ZFAT: variants seen among roughly 807,000 people sequenced by gnomAD.
ZFAT encodes the protein zinc finger and AT-hook domain containing, also known as zinc finger protein ZFAT.
Under a neutral mutation model 117.7 loss-of-function variants are expected in ZFAT, and 64 were observed. The ratio of observed to expected loss-of-function variants is 0.54; its 90% CI spans 0.44 to 0.67. The LOEUF is 0.67. Ranked by LOEUF, ZFAT falls within the 30% of genes least tolerant of loss-of-function variation. The pLI is 0.00. For missense variants in ZFAT, 1,433 were observed against 1,584.5 expected (o/e 0.90, Z 1.62); for synonymous variants, 679 against 615.0 (o/e 1.10, Z -1.54).
At chr8:134,586,168 A>C (rs1215999099) in intron 9 of ZFAT, among the ~76,000 whole-genome samples, 1 of 152,230 alleles carries the variant, frequency 6.6e-6, no homozygotes, top group Non-Finnish European at 1.5e-5. Context: ...AGAGAGGAAA[A>C]AAAAGATGCC....
chr8:134,696,492 G>A (rs1293672666), intron 1 of ZFAT: 47 of 985,522 alleles, frequency 4.8e-5, no homozygotes, highest in South Asian at 3.8e-4. Context: ...CGCTTCCCAC[G>A]GAGCATGCAG....
chr8:134,536,928 T>G (rs967814898), intron 11 of ZFAT, among the ~76,000 whole-genome samples: 2 of 152,188 alleles, frequency 1.3e-5, no homozygotes, highest in Non-Finnish European at 2.9e-5. Context: ...AGATATAAAC[T>G]GGCTCCACAG....
chr8:134,558,518 C>A (rs748481646), intron 11 of ZFAT, among the ~76,000 whole-genome samples: 4 of 152,030 alleles, frequency 2.6e-5, no homozygotes, highest in Non-Finnish European at 5.9e-5. Context: ...CAATTCCGAA[C>A]AACAAGAAAA....
intron 15 of ZFAT, among the ~76,000 whole-genome samples, chr8:134,486,166 T>C (rs569746492): frequency 1.3e-5 from 2 of 152,346 alleles, no homozygotes; most frequent in Admixed American, 6.5e-5. Flanking sequence ...AGTTAACCCC[T>C]TACTGGGTTT....
chr8:134,730,576 G>A, the ZFAT span, among the ~76,000 whole-genome samples: 2 of 152,238 alleles, frequency 1.3e-5, no homozygotes, highest in Non-Finnish European at 2.9e-5. Context: ...TCTACTGTCA[G>A]CAGGTGGCCA....
intron 1 of ZFAT, 108 bp from the exon 2 acceptor site, chr8:134,657,845 C>A: frequency 8.2e-7 from 1 of 1,213,226 alleles, no homozygotes; most frequent in Non-Finnish European, 1.1e-6. Flanking sequence ...CCATCACCAG[C>A]CTCTACCAGA....
At chr8:134,514,521 C>G (rs1431710746) in intron 13 of ZFAT, among the ~76,000 whole-genome samples, 3 of 152,148 alleles carry the variant, frequency 2.0e-5, no homozygotes, top group African/African-American at 7.2e-5. Context: ...GGGGCTCATT[C>G]AGGCCTCAGC....
the ZFAT span, among the ~76,000 whole-genome samples, chr8:134,823,588 G>C: frequency 3.3e-5 from 5 of 152,326 alleles, no homozygotes; most frequent in East Asian, 9.6e-4. Context: ...AGACAGGAGA[G>C]TGATAGGAAT....
At chr8:134,783,083 T>C in the ZFAT span, among the ~76,000 whole-genome samples, 1 of 152,216 alleles carries the variant, frequency 6.6e-6, no homozygotes, top group African/African-American at 2.4e-5. Context: ...TGTTTTGTTT[T>C]TAAGTCACAT....
chr8:134,775,067 G>T, the ZFAT span, among the ~76,000 whole-genome samples: 6 of 152,304 alleles, frequency 3.9e-5, no homozygotes, highest in Admixed American at 3.3e-4. Flanking sequence ...GCAGTGAGCT[G>T]AGATCGTGCC....
At chr8:134,743,094 G>C in the ZFAT span, among the ~76,000 whole-genome samples, 1 of 152,270 alleles carries the variant, frequency 6.6e-6, no homozygotes, top group African/African-American at 2.4e-5. Flanking sequence ...ATCCATGACT[G>C]AAACACGTGG....
At chr8:134,672,349 C>T (rs1188091834) in intron 1 of ZFAT, among the ~76,000 whole-genome samples, 1 of 152,082 alleles carries the variant, frequency 6.6e-6, no homozygotes, top group Admixed American at 6.6e-5. Flanking sequence ...GGAGGTGGAA[C>T]TGAACAATGA....
intron 3 of ZFAT, among the ~76,000 whole-genome samples, chr8:134,610,911 T>TTCTTG (rs1276939652): frequency 2.0e-5 from 3 of 152,236 alleles, no homozygotes; most frequent in Non-Finnish European, 4.4e-5. Context: ...CAGACATAGT[T>TTCTTG]TCTTGTCTTG....
At chr8:134,784,339 A>G in the ZFAT span, 1 of 152,118 alleles carries the variant, frequency 6.6e-6, no homozygotes, top group South Asian at 2.1e-4. Flanking sequence ...TACATTTTTC[A>G]TTGTATACAT....
Position 134,602,177 on chromosome 8 carries a change from G to A in ZFAT, c.1542C>T (p.Asp514=). ...ACTCCTCTTCCACCAGCTGTAGCTG[G>A]TCCCCCAGAGCTTCTTGCTGGATGT... ...GGDIQQEALG[D]QLQLVEEEFA... Residue 514 remains aspartate (D), a synonymous_variant, in exon 6 of 16, where the codon GAC becomes GAT. Coordinates refer to ENST00000377838, the MANE Select transcript of ZFAT (RefSeq NM_020863.4). 1 of 1,613,462 alleles carries A rather than the reference G, an allele frequency of 6.2e-7. No homozygotes were observed. The highest frequency in any genetic ancestry group is 8.5e-7 in the Non-Finnish European group (1 of 1,180,014).
At chr8:134,750,037 G>T in the ZFAT span, among the ~76,000 whole-genome samples, 3 of 152,150 alleles carry the variant, frequency 2.0e-5, no homozygotes, top group Non-Finnish European at 4.4e-5. Context: ...TTGGAATTTT[G>T]ATTGGGGTTG....
chr8:134,567,658 C>T (rs1329270155), intron 10 of ZFAT, among the ~76,000 whole-genome samples: 1 of 152,114 alleles, frequency 6.6e-6, no homozygotes, highest in Non-Finnish European at 1.5e-5. Flanking sequence ...CAGAGAAGGC[C>T]CTCCAGAATC....
the ZFAT span, among the ~76,000 whole-genome samples, chr8:134,777,160 C>A: frequency 2.0e-5 from 3 of 152,096 alleles, 1 homozygote; most frequent in Admixed American, 2.0e-4. Context: ...GAAGATTTTG[C>A]AAATTTTTTG....
chr8:134,605,677 TG>T (rs1202680643), intron 5 of ZFAT, among the ~76,000 whole-genome samples: 4 of 152,230 alleles, frequency 2.6e-5, no homozygotes, highest in Non-Finnish European at 5.9e-5. Context: ...ATGGTGCTCA[TG>T]GCTCATTTTC....
Sources: allele counts gnomAD v4.1 joint callset (sites outside exome capture counted in the v4.1 genomes callset), GRCh38; gene constraint gnomAD v4.1.1; transcripts MANE v1.5; gene names NCBI Gene and HGNC (gene_info 2026-07-23, HGNC 2026-07-21).